OR2L13: variants seen among roughly 807,000 people sequenced by gnomAD.
OR2L13 encodes olfactory receptor 2L13.
In OR2L13, 14 loss-of-function variants were observed where a neutral mutation model predicts 15.3. The ratio of observed to expected loss-of-function variants is 0.91; its 90% confidence interval spans 0.60 to 1.43. The LOEUF is 1.43. Among genes scored for constraint, OR2L13 ranks in the 40% most tolerant of loss-of-function variants. The probability of loss-of-function intolerance (pLI) is 0.00; values close to 1 mark genes in which losing one functional copy is unlikely to be tolerated. For synonymous variants in OR2L13, 152 were observed against 142.9 expected, an observed-to-expected ratio of 1.06 and a Z score of -0.45; for missense variants, 367 against 387.9, an observed-to-expected ratio of 0.95 and a Z score of 0.45.
the OR2L13 span, among the ~76,000 whole-genome samples, chr1:248,065,907 G>A: frequency 1.3e-5 from 2 of 152,072 alleles, no homozygotes; most frequent in Non-Finnish European, 1.5e-5. Flanking sequence ...CATGCAGCAA[G>A]TTCTAAAGAT....
At chr1:248,083,350 T>C in the OR2L13 span, among the ~76,000 whole-genome samples, 1 of 152,194 alleles carries the variant, frequency 6.6e-6, no homozygotes, top group Non-Finnish European at 1.5e-5. Context: ...CTTTCCATTG[T>C]TAATTTCTTT....
the OR2L13 span, among the ~76,000 whole-genome samples, chr1:247,942,119 A>T: frequency 1.3e-5 from 2 of 152,192 alleles, no homozygotes; most frequent in African/African-American, 4.8e-5. Flanking sequence ...GACTGGTCTC[A>T]AACTCATGGG....
At chr1:248,071,940 AAGG>A in the OR2L13 span, among the ~76,000 whole-genome samples, 2 of 151,756 alleles carry the variant, frequency 1.3e-5, no homozygotes, top group Non-Finnish European at 2.9e-5. Context: ...GGACCTCTTC[AAGG>A]AGAACTACAA....
the OR2L13 span, among the ~76,000 whole-genome samples, chr1:247,959,284 G>C: frequency 6.6e-6 from 1 of 152,154 alleles, no homozygotes; most frequent in Admixed American, 6.5e-5. Flanking sequence ...ACTCTCTTCT[G>C]GCTTGTAGAG....
the OR2L13 span, among the ~76,000 whole-genome samples, chr1:248,021,342 T>A: frequency 6.6e-6 from 1 of 152,212 alleles, no homozygotes; most frequent in South Asian, 2.1e-4. Context: ...GTTGTATAAA[T>A]AATTCACAGT....
At chr1:248,087,746 A>T in the OR2L13 span, among the ~76,000 whole-genome samples, 8 of 152,204 alleles carry the variant, frequency 5.3e-5, no homozygotes, top group Non-Finnish European at 1.0e-4. Flanking sequence ...AGGGTAAATG[A>T]ATGTAATGAA....
chr1:247,953,033 T>C, the OR2L13 span, among the ~76,000 whole-genome samples: 121,491 of 152,184 alleles, frequency 0.8, 52,695 homozygotes, highest in South Asian at 0.95. Context: ...CCCTCTAACA[T>C]GCTGTCTTCA....
the OR2L13 span, among the ~76,000 whole-genome samples, chr1:247,994,671 T>C: frequency 6.6e-6 from 1 of 152,196 alleles, no homozygotes; most frequent in African/African-American, 2.4e-5. Context: ...GATGAGTAAG[T>C]CTAGATAGCT....
Position 248,099,911 on chromosome 1 carries a change from A to ATG in OR2L13, c.538_539dup (p.Pro181SerfsTer21). ...AGGGCTATTGACCATTTCTTCTGCGATGTCCCAGCCATGTTGCTTCTTGCC... is the reference window on the plus strand; with the variant it reads ...AGGGCTATTGACCATTTCTTCTGCGATGTGTCCCAGCCATGTTGCTTCTTGCC... On this transcript the variant is annotated frameshift_variant, in exon 3 of 3. Transcript: ENST00000641714. LOFTEE classifies it high-confidence loss of function. The ATG allele has an allele frequency of 6.2e-7, 1 of 1,614,070 alleles. No individual in the cohort carries two copies. Among genetic ancestry groups the ATG allele is most frequent in the Non-Finnish European group, 8.5e-7 (1 of 1,180,006 alleles).
At chr1:248,039,133 A>G in the OR2L13 span, 6 of 1,613,964 alleles carry the variant, frequency 3.7e-6, no homozygotes, top group South Asian at 6.6e-5. Context: ...CCCATCATCT[A>G]CAGCCTGAGA....
At position 248,098,934 on chromosome 1, in the gene OR2L13, T is replaced by TA. The variant is rs1390433854; in HGVS notation, c.-19+164dup. Among the ~76,000 whole-genome samples, 8 of 152,368 alleles carry TA rather than the reference T, an allele frequency of 5.3e-5. No homozygotes were observed. The South Asian group carries it at 1.7e-3, about 32-fold the overall frequency. On this transcript the variant is annotated intron_variant, in intron 2 of 2. Transcript: ENST00000641714. ...AAATTCCCAAGGAAAAGCCTAGGCA[T>TA]AAAAAGCTAGACAAACTTTCCAGGG...
At chr1:247,957,296 C>T in the OR2L13 span, among the ~76,000 whole-genome samples, 1 of 152,204 alleles carries the variant, frequency 6.6e-6, no homozygotes, top group South Asian at 2.1e-4. Flanking sequence ...ATGAAGCCCA[C>T]TTGATCATGG....
At chr1:248,055,585 A>C in the OR2L13 span, among the ~76,000 whole-genome samples, 1 of 152,094 alleles carries the variant, frequency 6.6e-6, no homozygotes, top group Non-Finnish European at 1.5e-5. Flanking sequence ...GTGAAACCCT[A>C]TCTCTACTAA....
rs1470480232 is a variant in OR2L13, at chr1:248,100,369, G to T, written c.*55G>T. The T allele has an allele frequency of 4.9e-6, 5 of 1,027,496 alleles. No homozygotes were observed. In the South Asian group the frequency reaches 7.5e-5, roughly 15 times the overall value. The allele number at this position is 1,027,496 out of a possible 1,614,324, so 63.6% of individuals were successfully genotyped here. ...CCTCTTTCCAAGTTGATTCCAACAC[G>T]CTAGAGCAGGGTTGTCCAATAGAAA... is the stretch of plus-strand genomic sequence containing the variant. On this transcript the variant is annotated 3_prime_UTR_variant, in exon 3 of 3. Transcript: ENST00000641714.
At chr1:248,007,921 ATAAT>A in the OR2L13 span, among the ~76,000 whole-genome samples, 1 of 152,200 alleles carries the variant, frequency 6.6e-6, no homozygotes, top group East Asian at 1.9e-4. Context: ...CAGTAGTGAA[ATAAT>A]TAAAGTAAAG....
At chr1:247,953,667 G>A in the OR2L13 span, among the ~76,000 whole-genome samples, 1 of 152,138 alleles carries the variant, frequency 6.6e-6, no homozygotes, top group African/African-American at 2.4e-5. Flanking sequence ...AACATTAGAG[G>A]AAGAGGTTAT....
chr1:248,070,031 C>G, the OR2L13 span, among the ~76,000 whole-genome samples: 12 of 151,872 alleles, frequency 7.9e-5, no homozygotes, highest in African/African-American at 2.9e-4. Flanking sequence ...TAATGGGAGA[C>G]TTTAACACCC....
At chr1:248,071,031 G>A in the OR2L13 span, among the ~76,000 whole-genome samples, 193 of 152,068 alleles carry the variant, frequency 1.3e-3, no homozygotes, top group African/African-American at 4.3e-3. Context: ...ATTCACAGCC[G>A]AATTCTACCA....
the OR2L13 span, among the ~76,000 whole-genome samples, chr1:247,988,476 T>TA: frequency 1.3e-5 from 2 of 152,178 alleles, no homozygotes; most frequent in Non-Finnish European, 2.9e-5. Flanking sequence ...TTCTTATTTT[T>TA]AAAAAATCAT....
Sources: gnomAD v4.1 joint callset for allele counts (sites outside exome capture counted in the v4.1 genomes callset) on GRCh38, gnomAD v4.1.1 for gene constraint, MANE v1.5 for transcripts, NCBI Gene and HGNC (gene_info 2026-07-23, HGNC 2026-07-21) for gene names.